The following GPC5 variants were observed in gnomAD, a reference collection of about 807,000 sequenced individuals.
The protein encoded by GPC5 is glypican 5.
A neutral mutation model predicts 53.9 loss-of-function variants in GPC5; 47 were observed. That is an observed-to-expected ratio of 0.87 (90% CI 0.69 to 1.11). The LOEUF (loss-of-function observed/expected upper bound fraction) is 1.11. GPC5 is among the 50% of genes most tolerant of loss of function. GPC5 has a pLI of 0.00. For missense variants in GPC5, 748 were observed against 713.1 expected (o/e 1.05, Z -0.56); for synonymous variants, 286 against 263.3 (o/e 1.09, Z -0.84).
intron 7 of GPC5, among the ~76,000 whole-genome samples, chr13:92,430,113 T>C (rs1246197328): frequency 2.0e-5 from 3 of 151,788 alleles, no homozygotes; most frequent in East Asian, 3.9e-4. Context: ...AATTAAAAAA[T>C]TTAGAAAAAA....
chr13:92,037,933 TA>T (rs2040906798), intron 6 of GPC5, among the ~76,000 whole-genome samples: 1 of 152,152 alleles, frequency 6.6e-6, no homozygotes, highest in African/African-American at 2.4e-5. Context: ...ACCTTCCTTA[TA>T]TCTAAAAATG....
At chr13:92,355,014 A>AATTAGC (rs1193161857) in intron 7 of GPC5, among the ~76,000 whole-genome samples, 10 of 151,536 alleles carry the variant, frequency 6.6e-5, no homozygotes, top group Admixed American at 2.0e-4. Context: ...ATTAGCTTTA[A>AATTAGC]TTTAATATTT....
intron 2 of GPC5, among the ~76,000 whole-genome samples, chr13:91,573,176 C>T (rs908042106): frequency 6.6e-5 from 10 of 152,150 alleles, no homozygotes; most frequent in African/African-American, 2.4e-4. Flanking sequence ...AACTTGGTTC[C>T]TCGTTTCCAA....
At chr13:92,632,517 T>A (rs1226134107) in intron 7 of GPC5, among the ~76,000 whole-genome samples, 4 of 147,374 alleles carry the variant, frequency 2.7e-5, no homozygotes, top group Non-Finnish European at 6.0e-5. Flanking sequence ...CACATATACA[T>A]ACACACACAC....
intron 7 of GPC5, among the ~76,000 whole-genome samples, chr13:92,695,229 A>T (rs1297113388): frequency 6.6e-6 from 1 of 152,160 alleles, no homozygotes; most frequent in Admixed American, 6.5e-5. Flanking sequence ...TCTTCTTTTG[A>T]TAACTGTTTG....
intron 7 of GPC5, among the ~76,000 whole-genome samples, chr13:92,670,845 C>T (rs1454742155): frequency 6.6e-6 from 1 of 152,288 alleles, no homozygotes; most frequent in African/African-American, 2.4e-5. Context: ...TACATAAACA[C>T]ATTTTCATCT....
intron 7 of GPC5, among the ~76,000 whole-genome samples, chr13:92,318,349 A>G (rs182303156): frequency 8.6e-4 from 131 of 152,228 alleles, no homozygotes; most frequent in East Asian, 3.7e-3. Flanking sequence ...TCAAATTTCC[A>G]ACATATCATC....
chr13:91,788,765 T>C (rs1405803225), intron 5 of GPC5, among the ~76,000 whole-genome samples: 2 of 152,204 alleles, frequency 1.3e-5, no homozygotes, highest in African/African-American at 4.8e-5. Context: ...CTGGGCCTTG[T>C]TTATTTTGTT....
intron 2 of GPC5, among the ~76,000 whole-genome samples, chr13:91,652,554 A>C (rs2034739996): frequency 6.6e-6 from 1 of 152,186 alleles, no homozygotes; most frequent in African/African-American, 2.4e-5. Flanking sequence ...AGGGCTAAGC[A>C]ACTAAACGCA....
chr13:92,094,965 T>G (rs2041410724), intron 6 of GPC5, among the ~76,000 whole-genome samples: 1 of 152,162 alleles, frequency 6.6e-6, no homozygotes, highest in Admixed American at 6.5e-5. Flanking sequence ...TAAATGTAGT[T>G]TTCAAAGATG....
At chr13:92,354,129 TGTG>T (rs1320057683) in intron 7 of GPC5, among the ~76,000 whole-genome samples, 4 of 152,204 alleles carry the variant, frequency 2.6e-5, no homozygotes, top group Non-Finnish European at 5.9e-5. Flanking sequence ...CAAGTCATCA[TGTG>T]GTGATTACAA....
chr13:92,806,331 A>T (rs1877098288), intron 7 of GPC5, among the ~76,000 whole-genome samples: 1 of 152,076 alleles, frequency 6.6e-6, no homozygotes, highest in Non-Finnish European at 1.5e-5. Flanking sequence ...CTTTGGGTAG[A>T]GAGAATGTCA....
chr13:92,075,029 T>A (rs746244626), intron 6 of GPC5, among the ~76,000 whole-genome samples: 1 of 152,208 alleles, frequency 6.6e-6, no homozygotes, highest in African/African-American at 2.4e-5. Context: ...ATGATTCTCA[T>A]AGGTTATAAA....
intron 7 of GPC5, among the ~76,000 whole-genome samples, chr13:92,193,786 T>C (rs1011425525): frequency 3.9e-5 from 6 of 152,242 alleles, no homozygotes; most frequent in Non-Finnish European, 7.3e-5. Context: ...ACATGTACAC[T>C]ACATTCTCTT....
intron 7 of GPC5, among the ~76,000 whole-genome samples, chr13:92,247,243 T>C (rs1298898908): frequency 1.3e-5 from 2 of 152,192 alleles, no homozygotes; most frequent in Admixed American, 6.6e-5. Context: ...CATGTATATA[T>C]GTATGTGTAT....
At position 91,773,402 on chromosome 13, in the gene GPC5, A is replaced by G. The variant is rs144171723; in HGVS notation, c.1280+16982A>G. Among the ~76,000 whole-genome samples the G allele has an allele frequency of 6.3e-3, 963 of 152,290 alleles. 6 individuals carry two copies. The highest frequency in any genetic ancestry group is 8.9e-3 in the Non-Finnish European group (602 of 68,014). ...TGATAATAGACTGCTGAGTAACTAAAGTAGACATAAGGCAAGTATCAGTCA... is the reference window on the plus strand; with the variant it reads ...TGATAATAGACTGCTGAGTAACTAAGGTAGACATAAGGCAAGTATCAGTCA... On this transcript the variant is annotated intron_variant, in intron 5 of 7. Coordinates refer to ENST00000377067, the MANE Select transcript of GPC5 (RefSeq NM_004466.6).
At chr13:91,798,212 T>C (rs183370905) in intron 5 of GPC5, among the ~76,000 whole-genome samples, 4 of 152,314 alleles carry the variant, frequency 2.6e-5, no homozygotes, top group African/African-American at 9.6e-5. Context: ...CTGGGGCACA[T>C]GTGTAGGAAG....
intron 7 of GPC5, among the ~76,000 whole-genome samples, chr13:92,176,920 A>T (rs1415139074): frequency 6.6e-6 from 1 of 152,202 alleles, no homozygotes; most frequent in African/African-American, 2.4e-5. Context: ...ACTACCAATG[A>T]TATAACAGGC....
At chr13:91,813,003 C>A (rs2138809060) in intron 5 of GPC5, among the ~76,000 whole-genome samples, 1 of 152,268 alleles carries the variant, frequency 6.6e-6, no homozygotes, top group South Asian at 2.1e-4. Context: ...AATGCATTTT[C>A]TGCAGTTTAA....
Sources: gnomAD v4.1 joint callset for allele counts (sites outside exome capture counted in the v4.1 genomes callset) on GRCh38, gnomAD v4.1.1 for gene constraint, MANE v1.5 for transcripts, NCBI Gene and HGNC (gene_info 2026-07-23, HGNC 2026-07-21) for gene names.